RIMBP2: variants seen among roughly 807,000 people sequenced by gnomAD.
RIMBP2 encodes the protein RIMS-binding protein 2.
Under a neutral mutation model 118.6 loss-of-function variants are expected in RIMBP2, and 48 were observed. That is an observed-to-expected ratio of 0.40 (90% CI 0.32 to 0.51). The LOEUF is 0.51. Among genes scored for constraint, RIMBP2 ranks in the 20% least tolerant of loss-of-function variants. RIMBP2 has a pLI of 0.41. For missense variants in RIMBP2, 1,551 were observed against 1,768.3 expected (o/e 0.88, Z 2.20); for synonymous variants, 762 against 742.9 (o/e 1.03, Z -0.42).
At chr12:130,705,817 C>T (rs1303024716) in intron 1 of RIMBP2, among the ~76,000 whole-genome samples, 4 of 152,230 alleles carry the variant, frequency 2.6e-5, no homozygotes, top group South Asian at 2.1e-4. Flanking sequence ...CTGGGACCAA[C>T]GGAGGCAGAA....
chr12:130,522,094 GT>G (rs1434993645), intron 2 of RIMBP2, among the ~76,000 whole-genome samples: 4 of 152,232 alleles, frequency 2.6e-5, no homozygotes, highest in African/African-American at 9.6e-5. Flanking sequence ...AGGGCCACAT[GT>G]CCCTGAAATC....
intron 4 of RIMBP2, among the ~76,000 whole-genome samples, chr12:130,503,028 G>A (rs975033628): frequency 1.3e-4 from 20 of 152,100 alleles, no homozygotes; most frequent in East Asian, 9.7e-4. Flanking sequence ...CCATCTCTTG[G>A]TATTTTAAAT....
At chr12:130,644,557 G>A (rs879484407) in intron 1 of RIMBP2, among the ~76,000 whole-genome samples, 1 of 152,188 alleles carries the variant, frequency 6.6e-6, no homozygotes, top group Non-Finnish European at 1.5e-5. Context: ...ATCATCAAGT[G>A]CAAATTAATT....
At chr12:130,643,614 A>T (rs1179793616) in intron 1 of RIMBP2, among the ~76,000 whole-genome samples, 4 of 152,192 alleles carry the variant, frequency 2.6e-5, no homozygotes, top group African/African-American at 9.7e-5. Context: ...AACAAATTCT[A>T]TACATGCGGA....
In RIMBP2 at chr12:130,422,004, C is replaced by T. The variant is rs770387589; in HGVS notation, c.3238+449G>A. ...CATTTCAGGGGCACACTCAGCTGCA[C>T]GGTGTCCCCCAGGATTTAGCTCTGC... On this transcript the variant is annotated intron_variant, in intron 17 of 22. Coordinates refer to ENST00000690449, the MANE Select transcript of RIMBP2 (RefSeq NM_001393629.1). The surrounding 1 kb of genome is among the most constrained non-coding windows in gnomAD (Gnocchi z 5.2). 7.9e-5 allele frequency among the ~76,000 whole-genome samples: 12 copies of T among 152,182 alleles called. No homozygotes were observed. Among genetic ancestry groups the T allele is most frequent in the African/African-American group, 2.4e-4 (10 of 41,450 alleles).
chr12:130,518,870 T>G (rs2139078186), intron 2 of RIMBP2, among the ~76,000 whole-genome samples: 1 of 152,170 alleles, frequency 6.6e-6, no homozygotes, highest in Non-Finnish European at 1.5e-5. Context: ...TCTCATAAAC[T>G]TAATAATCAG....
intron 6 of RIMBP2, among the ~76,000 whole-genome samples, chr12:130,466,866 T>C (rs1368448569): frequency 6.6e-6 from 1 of 152,194 alleles, no homozygotes; most frequent in African/African-American, 2.4e-5. Context: ...TATGCAAAAA[T>C]GCAGATTCAA....
intron 2 of RIMBP2, among the ~76,000 whole-genome samples, chr12:130,544,969 C>T (rs1019373892): frequency 6.6e-6 from 1 of 152,128 alleles, no homozygotes; most frequent in African/African-American, 2.4e-5. Context: ...TATGCATCTG[C>T]CTTGGGAACA....
At chr12:130,412,143 G>A (rs2075768113) in intron 19 of RIMBP2, among the ~76,000 whole-genome samples, 1 of 152,104 alleles carries the variant, frequency 6.6e-6, no homozygotes, top group African/African-American at 2.4e-5. Flanking sequence ...TTGCAGACTG[G>A]CTTAAGATAA....
At position 130,620,183 on chromosome 12, in the gene RIMBP2, AG is replaced by A. The variant is rs547434287; in HGVS notation, c.-217+8138del. Reference sequence around the variant, plus strand: ...CATGGTGCCTCACCCTCTCCAGCCAAGGGATGGGCACAAGACCGAAGTGGTG... The same window carrying A: ...CATGGTGCCTCACCCTCTCCAGCCAAGGATGGGCACAAGACCGAAGTGGTG... On this transcript the variant is annotated intron_variant, in intron 2 of 22. Transcript: ENST00000690449. This position sits in a 1 kb window ranked among gnomAD's most constrained non-coding sequence, Gnocchi z 5.3. Among the ~76,000 whole-genome samples, 5 of 152,168 alleles carry A rather than the reference AG, an allele frequency of 3.3e-5. No homozygotes were observed. Among genetic ancestry groups the A allele is most frequent in the Non-Finnish European group, 7.4e-5 (5 of 68,016 alleles).
chr12:130,423,450 A>G (rs990607223), intron 16 of RIMBP2, among the ~76,000 whole-genome samples: 1 of 152,212 alleles, frequency 6.6e-6, no homozygotes, highest in Non-Finnish European at 1.5e-5. Context: ...TTCAATGAAA[A>G]GGTCAGCATG....
chr12:130,399,842 C>G (rs775107377), intron 21 of RIMBP2, 29 bp from the exon 22 acceptor site: 1 of 1,612,416 alleles, frequency 6.2e-7, no homozygotes, highest in Admixed American at 1.7e-5. Flanking sequence ...GGCAGAAGAA[C>G]TATTTATTTT....
chr12:130,455,859 C>T (rs1308098556), intron 7 of RIMBP2, among the ~76,000 whole-genome samples: 1 of 152,066 alleles, frequency 6.6e-6, no homozygotes, highest in Non-Finnish European at 1.5e-5. Flanking sequence ...GGACGTAGCA[C>T]CTCCACCGAG....
At chr12:130,552,253 C>T (rs540084762) in intron 2 of RIMBP2, among the ~76,000 whole-genome samples, 90 of 152,204 alleles carry the variant, frequency 5.9e-4, no homozygotes, top group South Asian at 1.2e-3. Context: ...GGGTAGAGGG[C>T]CGTGGGCAGT....
rs956376461 is a variant in RIMBP2 at position 130,523,840 on chromosome 12, G to T, written c.-216-5923C>A. The stretch of plus-strand genomic sequence containing the variant: ...AGGAACGCCAGTTGCTATGGGGAGA[G>T]GTGAGAGGAATTCTCGGTATCTCCT... On this transcript the variant is annotated intron_variant, in intron 2 of 22. Transcript: ENST00000690449. This position sits in a 1 kb window ranked among gnomAD's most constrained non-coding sequence, Gnocchi z 4.4. 6.6e-6 allele frequency among the ~76,000 whole-genome samples: 1 copy of T among 152,172 alleles called. No homozygotes were observed. Among genetic ancestry groups the T allele is most frequent in the Non-Finnish European group, 1.5e-5 (1 of 68,034 alleles).
chr12:130,679,074 T>C (rs182893174), intron 1 of RIMBP2, among the ~76,000 whole-genome samples: 18 of 151,936 alleles, frequency 1.2e-4, no homozygotes, highest in Non-Finnish European at 1.5e-5. Flanking sequence ...TTTACTTCAA[T>C]ATAAATAAAA....
At chr12:130,425,004 C>T in intron 15 of RIMBP2, 146 bp from the exon 16 acceptor site, 1 of 438,514 alleles carries the variant, frequency 2.3e-6, no homozygotes, top group Non-Finnish European at 3.8e-6. Flanking sequence ...AGGCCGGGGG[C>T]ATGCCGTGGA....
intron 2 of RIMBP2, among the ~76,000 whole-genome samples, chr12:130,618,946 T>C (rs1223562107): frequency 6.6e-6 from 1 of 152,130 alleles, no homozygotes; most frequent in East Asian, 1.9e-4. Flanking sequence ...GTCCAGACTT[T>C]CATCACAAAT....
intron 4 of RIMBP2, among the ~76,000 whole-genome samples, chr12:130,482,384 C>A (rs1046037970): frequency 6.6e-6 from 1 of 152,214 alleles, no homozygotes; most frequent in Non-Finnish European, 1.5e-5. Context: ...TGAGAGAACA[C>A]CCCAGAGTGG....
Sources: allele counts gnomAD v4.1 joint callset (sites outside exome capture counted in the v4.1 genomes callset), GRCh38; gene constraint gnomAD v4.1.1; non-coding constraint Gnocchi (gnomAD v3.1); transcripts MANE v1.5; gene names NCBI Gene and HGNC (gene_info 2026-07-23, HGNC 2026-07-21).